The following CFAP210 variants were observed in gnomAD, a reference collection of about 807,000 sequenced individuals.
CFAP210 encodes the protein cilia- and flagella- associated protein 210.
the CFAP210 span, chr2:169,681,251 A>C: frequency 3.2e-6 from 5 of 1,545,110 alleles, no homozygotes; most frequent in Non-Finnish European, 4.4e-6. Flanking sequence ...ATTGTAAAAA[A>C]TGATTATTAA....
the CFAP210 span, among the ~76,000 whole-genome samples, chr2:169,691,134 C>G: frequency 1.3e-5 from 2 of 152,084 alleles, no homozygotes; most frequent in Admixed American, 6.5e-5. Flanking sequence ...ACTGAATAAT[C>G]TCAATTGACT....
the CFAP210 span, chr2:169,659,384 G>A: frequency 6.4e-6 from 1 of 155,570 alleles, no homozygotes; most frequent in Non-Finnish European, 1.4e-5. Flanking sequence ...TGTACAGGAA[G>A]CATGGCTGGG....
chr2:169,668,733 A>G, the CFAP210 span, among the ~76,000 whole-genome samples: 3 of 152,174 alleles, frequency 2.0e-5, no homozygotes, highest in Admixed American at 2.0e-4. Context: ...ATATTCCTCA[A>G]TTAAGTTTGC....
the CFAP210 span, among the ~76,000 whole-genome samples, chr2:169,672,955 C>T: frequency 6.6e-6 from 1 of 152,178 alleles, no homozygotes; most frequent in Non-Finnish European, 1.5e-5. Context: ...TTCTATACCA[C>T]TGGTCTTACC....
chr2:169,660,666 CG>C, the CFAP210 span, among the ~76,000 whole-genome samples: 1 of 150,686 alleles, frequency 6.6e-6, no homozygotes, highest in Non-Finnish European at 1.5e-5. Flanking sequence ...TGCAGTGGCA[CG>C]ATCTTGACTC....
the CFAP210 span, among the ~76,000 whole-genome samples, chr2:169,689,868 C>T: frequency 1.3e-5 from 2 of 152,130 alleles, no homozygotes; most frequent in Admixed American, 1.3e-4. Flanking sequence ...GTTCCTTATT[C>T]TATTTACACA....
the CFAP210 span, among the ~76,000 whole-genome samples, chr2:169,646,669 G>A: frequency 0.11 from 16,698 of 152,174 alleles, 1,201 homozygotes; most frequent in South Asian, 0.26. Context: ...TCTATTTCCC[G>A]AAAATTTAAA....
At chr2:169,650,734 CTGTGTGTGTGTGTGTGTGTG>C in the CFAP210 span, among the ~76,000 whole-genome samples, 7 of 147,218 alleles carry the variant, frequency 4.8e-5, no homozygotes, top group South Asian at 2.2e-4. Context: ...TATGTATAAT[CTGTGTGTGTGTGTGTGTGTG>C]TGTGTGTGTG....
At chr2:169,690,465 C>A in the CFAP210 span, among the ~76,000 whole-genome samples, 1 of 152,062 alleles carries the variant, frequency 6.6e-6, no homozygotes, top group Non-Finnish European at 1.5e-5. Context: ...GAGTTTGAGA[C>A]ACGCCTGGCC....
At chr2:169,675,455 G>A in the CFAP210 span, among the ~76,000 whole-genome samples, 13,375 of 152,234 alleles carry the variant, frequency 0.088, 630 homozygotes, top group Middle Eastern at 0.13. Context: ...AAGGCAAAGG[G>A]GGAGCAGGCA....
chr2:169,694,210 G>GC, the CFAP210 span: 1 of 1,581,256 alleles, frequency 6.3e-7, no homozygotes, highest in African/African-American at 1.3e-5. Context: ...CTCACTCCAT[G>GC]CCGGGGGTCC....
the CFAP210 span, among the ~76,000 whole-genome samples, chr2:169,669,716 A>C: frequency 4.0e-5 from 6 of 151,624 alleles, no homozygotes; most frequent in Non-Finnish European, 8.8e-5. Flanking sequence ...CGGAGCTTGC[A>C]GTGAGACAAG....
At chr2:169,669,083 A>G in the CFAP210 span, among the ~76,000 whole-genome samples, 1 of 152,200 alleles carries the variant, frequency 6.6e-6, no homozygotes, top group Admixed American at 6.6e-5. Flanking sequence ...ACTAAGTAAA[A>G]GAGTAATAAT....
the CFAP210 span, chr2:169,674,437 A>G: frequency 1.5e-6 from 1 of 647,168 alleles, no homozygotes; most frequent in Non-Finnish European, 2.5e-6. Flanking sequence ...TAAGAAAGTG[A>G]TAGCGATTTT....
At chr2:169,674,288 C>T in the CFAP210 span, among the ~76,000 whole-genome samples, 1 of 152,128 alleles carries the variant, frequency 6.6e-6, no homozygotes, top group East Asian at 1.9e-4. Context: ...AGAAAAGCTG[C>T]CCAGCTGATT....
the CFAP210 span, among the ~76,000 whole-genome samples, chr2:169,662,125 T>A: frequency 6.6e-6 from 1 of 152,216 alleles, no homozygotes; most frequent in Admixed American, 6.5e-5. Context: ...AGGTGACAGA[T>A]AACCTAAATT....
At chr2:169,653,570 C>T in the CFAP210 span, among the ~76,000 whole-genome samples, 1 of 148,974 alleles carries the variant, frequency 6.7e-6, no homozygotes, top group Non-Finnish European at 1.5e-5. Context: ...GCAATGTCCT[C>T]TAAATCTGAT....
chr2:169,654,036 T>C, the CFAP210 span: 5 of 1,536,910 alleles, frequency 3.3e-6, no homozygotes, highest in Middle Eastern at 1.7e-4. Flanking sequence ...TCATAATAAT[T>C]TCAGATAGTA....
chr2:169,679,811 C>A, the CFAP210 span, among the ~76,000 whole-genome samples: 1 of 148,184 alleles, frequency 6.7e-6, no homozygotes. Context: ...AATTTTAAAA[C>A]TTCTAAAAGA....
Sources: allele counts gnomAD v4.1 joint callset (sites outside exome capture counted in the v4.1 genomes callset), GRCh38; gene constraint gnomAD v4.1.1; transcripts MANE v1.5; gene names NCBI Gene and HGNC (gene_info 2026-07-23, HGNC 2026-07-21).